Variants in NEU4 observed in about 807,000 individuals in gnomAD.
NEU4 encodes the protein sialidase-4.
In NEU4, 7 loss-of-function variants were observed where a neutral mutation model predicts 9.9. The ratio of observed to expected loss-of-function variants is 0.71; its 90% CI spans 0.40 to 1.33. NEU4 has a LOEUF of 1.33. Ranked by LOEUF, NEU4 falls within the 40% of genes most tolerant of loss-of-function variation. The pLI is 0.01. For synonymous variants in NEU4, 348 were observed against 316.9 expected, an observed-to-expected ratio of 1.10 and a Z score of -1.04; for missense variants, 717 against 712.6, an observed-to-expected ratio of 1.01 and a Z score of -0.07.
At position 241,816,176 on chromosome 2, in the gene NEU4, C is replaced by T. The variant is rs113674793; in HGVS notation, c.583C>T (p.Pro195Ser). 6.2e-7 allele frequency: 1 copy of T among 1,612,574 alleles called. No homozygotes were observed. Among genetic ancestry groups the T allele is most frequent in the Admixed American group, 1.7e-5 (1 of 59,974 alleles). ...TTTTGGCAAGATCTGCCGGACCAGCCCTCACTCCTTCGCCTTCTACAGCGA... is the reference window on the plus strand; with the variant it reads ...TTTTGGCAAGATCTGCCGGACCAGCTCTCACTCCTTCGCCTTCTACAGCGA... ...ECFGKICRTS[P>S]HSFAFYSDDH... is the part of the protein sequence containing the mutation. The change falls in exon 4 of 4, where the codon CCT becomes TCT. Residue 195 changes from proline to serine, a missense_variant. Coordinates refer to ENST00000407683, the MANE Select transcript of NEU4 (RefSeq NM_001167600.3).
rs1158115502 is a variant in NEU4, at chr2:241,817,320, G to A, written c.*272G>A. 4 of 461,238 alleles carry A rather than the reference G, an allele frequency of 8.7e-6. No homozygotes were observed. Among genetic ancestry groups the A allele is most frequent in the Admixed American group, 7.6e-5 (2 of 26,186 alleles). The allele number at this position is 461,238 out of a possible 1,614,324, so 28.6% of individuals were successfully genotyped here. The stretch of plus-strand genomic sequence containing the variant: ...CCCTTCCGAGGCTGCAGGGCCAGGC[G>A]CGGGACCGCAGGTAGCCCAGGGTGT... On this transcript the variant is annotated 3_prime_UTR_variant, in exon 4 of 4. Coordinates refer to ENST00000407683, the MANE Select transcript of NEU4 (RefSeq NM_001167600.3).
chr2:241,811,348 C>A, intron 1 of NEU4: 1 of 1,447,014 alleles, frequency 6.9e-7, no homozygotes, highest in Non-Finnish European at 9.2e-7. Flanking sequence ...TGACGTAGCC[C>A]TGAGACGTGG....
intron 1 of NEU4, chr2:241,813,621 C>T (rs756491973): frequency 3.7e-5 from 36 of 982,226 alleles, no homozygotes; most frequent in Admixed American, 1.2e-4. Context: ...GAATGGCCGC[C>T]GGGCCCCACT....
chr2:241,816,503 C>A lies in NEU4; in HGVS notation c.910C>A (p.Leu304Ile). 6.2e-7 allele frequency: 1 copy of A among 1,610,558 alleles called. No individual in the cohort carries two copies. The highest frequency in any genetic ancestry group is 8.5e-7 in the Non-Finnish European group (1 of 1,179,308). ...DSWSVGPGSP[L>I]QPPLLGPGVH... ...TTGGTCAGTGGGCCCCGGGAGTCCCCTCCAGCCTCCACTCCTCGGTCCTGG... is the reference window on the plus strand; with the variant it reads ...TTGGTCAGTGGGCCCCGGGAGTCCCATCCAGCCTCCACTCCTCGGTCCTGG... The change falls in exon 4 of 4, where the codon CTC (leucine) becomes ATC (isoleucine). Residue 304 changes from leucine to isoleucine, a missense_variant. Coordinates refer to ENST00000407683, the MANE Select transcript of NEU4 (RefSeq NM_001167600.3).
intron 1 of NEU4, chr2:241,811,078 C>A: frequency 8.7e-7 from 1 of 1,151,800 alleles, no homozygotes. Flanking sequence ...GCCCTCCTGG[C>A]AGGGCCGCGT....
chr2:241,814,088 C>G (rs994280674), intron 1 of NEU4: 16 of 520,580 alleles, frequency 3.1e-5, no homozygotes, highest in Middle Eastern at 2.9e-4. Flanking sequence ...TCATTGTCCA[C>G]ATGACCTCCT....
chr2:241,815,824 C>T (rs1700307134), intron 3 of NEU4: 1 of 599,880 alleles, frequency 1.7e-6, no homozygotes. Flanking sequence ...GCTCACCAGC[C>T]TCCCTGGGTG....
At position 241,811,106 on chromosome 2, in the gene NEU4, C is replaced by T. The variant is rs898099063; in HGVS notation, c.-4+1832C>T. 2.6e-5 allele frequency: 31 copies of T among 1,194,582 alleles called. No individual in the cohort carries two copies. The African/African-American group carries it at 2.8e-4, about 11-fold the overall frequency. 74.0% of individuals were successfully genotyped at this position (1,194,582 alleles called of 1,614,324 possible). ...GGCCGCGTCTCTGGAGCAGCAGACCCGTGTCCCTCTGGGAGGTCAACTGCG... is the reference window on the plus strand; with the variant it reads ...GGCCGCGTCTCTGGAGCAGCAGACCTGTGTCCCTCTGGGAGGTCAACTGCG... On this transcript the variant is annotated intron_variant, in intron 1 of 3. Coordinates refer to ENST00000407683, the MANE Select transcript of NEU4 (RefSeq NM_001167600.3).
chr2:241,814,098 T>TG (rs1700215622), intron 1 of NEU4: 1 of 539,224 alleles, frequency 1.9e-6, no homozygotes, highest in Non-Finnish European at 3.7e-6. Context: ...CATGACCTCC[T>TG]GCTGGGCGAA....
chr2:241,814,681 T>G lies in NEU4; in HGVS notation c.197T>G (p.Val66Gly), dbSNP rs1453685830. The G allele has an allele frequency of 4.5e-6, 7 of 1,547,998 alleles. No homozygotes were observed. The highest frequency in any genetic ancestry group is 5.2e-6 in the Non-Finnish European group (6 of 1,149,288). ...AGGGGCACGCTGGCCGGGGGCTCCGTGCGGGTGAGTGAGTGGCCGGGGGCT... is the reference window on the plus strand; with the variant it reads ...AGGGGCACGCTGGCCGGGGGCTCCGGGCGGGTGAGTGAGTGGCCGGGGGCT... Reference protein sequence around the residue: ...LRRGTLAGGSVRWGALHVLGT... With the variant: ...LRRGTLAGGSGRWGALHVLGT... Residue 66 changes from valine to glycine, a missense_variant, in exon 2 of 4, where the codon GTG (valine) becomes GGG (glycine). Val to Gly is a moderately radical substitution (Grantham distance 109). Transcript: ENST00000407683.
chr2:241,816,963 T>G lies in NEU4; in HGVS notation c.1370T>G (p.Leu457Arg). ...YDEISFCTFS[L>R]REVLENVPAS... The stretch of plus-strand genomic sequence containing the variant: ...GAGATTTCCTTTTGTACATTCTCCC[T>G]GCGTGAGGTCCTGGAGAACGTGCCC... Residue 457 changes from leucine to arginine, a missense_variant, in exon 4 of 4, where the codon CTG becomes CGG. Transcript: ENST00000407683. 1 of 1,612,542 alleles carries G rather than the reference T, an allele frequency of 6.2e-7. No individual in the cohort carries two copies. The highest frequency in any genetic ancestry group is 8.5e-7 in the Non-Finnish European group (1 of 1,179,812).
At chr2:241,812,825 C>G (rs992049254) in intron 1 of NEU4, among the ~76,000 whole-genome samples, 6 of 152,196 alleles carry the variant, frequency 3.9e-5, no homozygotes, top group Non-Finnish European at 7.3e-5. Flanking sequence ...CAGGGGTGGG[C>G]CTGGGCCTCA....
chr2:241,811,464 G>A (rs752123296), intron 1 of NEU4: 1 of 1,569,414 alleles, frequency 6.4e-7, no homozygotes, highest in South Asian at 1.2e-5. Context: ...GGTGGCTGGT[G>A]AGTCCCTGCC....
At position 241,814,520 on chromosome 2, in the gene NEU4, C is replaced by G; in HGVS notation, c.36C>G (p.Leu12=). ...CTCGTACCCCTTCACGGACAGTGCT[C>G]TTCGAGCGGGAGAGGACGGGCCTGA... is the stretch of plus-strand genomic sequence containing the variant. ...GVPRTPSRTV[L]FERERTGLTY... The change falls in exon 2 of 4, where the codon CTC becomes CTG. Residue 12 remains leucine, a synonymous_variant. Transcript: ENST00000407683. 2 of 1,611,130 alleles carry G rather than the reference C, an allele frequency of 1.2e-6. No homozygotes were observed. Among genetic ancestry groups the G allele is most frequent in the Non-Finnish European group, 1.7e-6 (2 of 1,178,520 alleles).
intron 3 of NEU4, 145 bp downstream of exon 3, chr2:241,815,292 G>A: frequency 8.8e-7 from 1 of 1,139,924 alleles, no homozygotes; most frequent in Non-Finnish European, 1.2e-6. Context: ...GGACTGTTCT[G>A]CGCCTCCCGT....
At chr2:241,812,972 C>A (rs1575379691) in intron 1 of NEU4, among the ~76,000 whole-genome samples, 1 of 152,324 alleles carries the variant, frequency 6.6e-6, no homozygotes, top group African/African-American at 2.4e-5. Flanking sequence ...CGCTTGGGCA[C>A]AATTGCCCTT....
At position 241,814,680 on chromosome 2, in the gene NEU4, G is replaced by A. The variant is rs201063345; in HGVS notation, c.196G>A (p.Val66Met). Residue 66 changes from valine (V) to methionine (M), a missense_variant, in exon 2 of 4, where the codon GTG becomes ATG. Transcript: ENST00000407683. ...LRRGTLAGGS[V>M]RWGALHVLGT... Reference sequence around the variant, plus strand: ...GAGGGGCACGCTGGCCGGGGGCTCCGTGCGGGTGAGTGAGTGGCCGGGGGC... The same window carrying A: ...GAGGGGCACGCTGGCCGGGGGCTCCATGCGGGTGAGTGAGTGGCCGGGGGC... 1,456 of 1,548,074 alleles carry A rather than the reference G, an allele frequency of 9.4e-4. 3 individuals are homozygous for A. The highest frequency in any genetic ancestry group is 7.0e-4 in the Non-Finnish European group (804 of 1,149,190).
chr2:241,814,393 C>G, intron 1 of NEU4, 89 bp from the exon 2 acceptor site: 1 of 1,297,948 alleles, frequency 7.7e-7, no homozygotes, highest in East Asian at 2.4e-5. Flanking sequence ...GTCTGCACCT[C>G]CTGAGCGCAT....
Position 241,814,960 on chromosome 2 carries a change from G to A in NEU4, c.270G>A (p.Val90=). Residue 90 remains valine, a synonymous_variant, in exon 3 of 4, where the codon GTG becomes GTA. Coordinates refer to ENST00000407683, the MANE Select transcript of NEU4 (RefSeq NM_001167600.3). The part of the protein sequence containing the change: ...AEHRSMNPCP[V]HDAGTGTVFL... ...ACCGGTCCATGAACCCCTGCCCTGT[G>A]CACGATGCTGGCACGGGCACCGTCT... The A allele has an allele frequency of 6.2e-7, 1 of 1,611,682 alleles. No individual in the cohort carries two copies. The highest frequency in any genetic ancestry group is 8.5e-7 in the Non-Finnish European group (1 of 1,179,820).
Sources: gnomAD v4.1 joint callset for allele counts (sites outside exome capture counted in the v4.1 genomes callset) on GRCh38, gnomAD v4.1.1 for gene constraint, MANE v1.5 for transcripts, NCBI Gene and HGNC (gene_info 2026-07-23, HGNC 2026-07-21) for gene names.